The following RBMS3 variants were observed in gnomAD, a reference collection of about 807,000 sequenced individuals.
RBMS3 encodes RNA binding motif single stranded interacting protein 3.
RBMS3 carries 27 observed loss-of-function variants against 66.8 expected under a neutral mutation model. The observed-to-expected ratio is 0.40, with a 90% confidence interval of 0.30 to 0.56. The LOEUF is 0.56. Ranked by LOEUF, RBMS3 falls within the 20% of genes least tolerant of loss-of-function variation. The pLI is 0.40. For missense variants in RBMS3, 513 were observed against 549.5 expected (o/e 0.93, Z 0.66); for synonymous variants, 188 against 183.0 (o/e 1.03, Z -0.22).
At chr3:29,914,210 A>T (rs1416946227) in intron 10 of RBMS3, among the ~76,000 whole-genome samples, 2 of 151,922 alleles carry the variant, frequency 1.3e-5, no homozygotes, top group Non-Finnish European at 2.9e-5. Flanking sequence ...GTCAAAACTG[A>T]CTCAGGAAAT....
At chr3:29,942,785 T>C (rs2061423130) in intron 11 of RBMS3, among the ~76,000 whole-genome samples, 1 of 151,618 alleles carries the variant, frequency 6.6e-6, no homozygotes, top group Non-Finnish European at 1.5e-5. Flanking sequence ...GGAAAATGTC[T>C]AGTAGCATGG....
intron 1 of RBMS3, among the ~76,000 whole-genome samples, chr3:29,377,157 CT>C (rs1175872300): frequency 6.6e-6 from 1 of 152,022 alleles, no homozygotes; most frequent in African/African-American, 2.4e-5. Context: ...TAAAGTCAGC[CT>C]CTTTATGGGT....
chr3:29,495,921 G>C (rs2043730627), intron 3 of RBMS3, among the ~76,000 whole-genome samples: 1 of 152,094 alleles, frequency 6.6e-6, no homozygotes, highest in South Asian at 2.1e-4. Context: ...GACATTTCCA[G>C]GGCTGGTCCA....
intron 1 of RBMS3, among the ~76,000 whole-genome samples, chr3:29,408,187 G>A (rs1214758801): frequency 6.6e-6 from 1 of 150,456 alleles, no homozygotes; most frequent in African/African-American, 2.5e-5. Context: ...CAGGAGAATG[G>A]TGTGAACCCG....
At chr3:29,990,252 C>T (rs902610001) in intron 13 of RBMS3, among the ~76,000 whole-genome samples, 7 of 144,002 alleles carry the variant, frequency 4.9e-5, no homozygotes, top group Non-Finnish European at 1.1e-4. Context: ...GGAATTTCAG[C>T]GACAGAATTA....
At chr3:29,520,611 T>C (rs1432402394) in intron 3 of RBMS3, among the ~76,000 whole-genome samples, 1 of 152,170 alleles carries the variant, frequency 6.6e-6, no homozygotes, top group East Asian at 1.9e-4. Flanking sequence ...TTCATTTCGA[T>C]ACATATAGTT....
intron 12 of RBMS3, among the ~76,000 whole-genome samples, chr3:29,966,089 T>G (rs1323127944): frequency 6.6e-6 from 1 of 152,210 alleles, no homozygotes; most frequent in Non-Finnish European, 1.5e-5. Context: ...TTGGTCTATG[T>G]GCCTATTTTT....
intron 6 of RBMS3, among the ~76,000 whole-genome samples, chr3:29,783,176 C>T (rs1181741087): frequency 1.3e-5 from 2 of 152,006 alleles, no homozygotes; most frequent in Non-Finnish European, 2.9e-5. Context: ...TCTAGACCCC[C>T]CAAATGCAAG....
chr3:29,823,764 T>G (rs1474709721), intron 6 of RBMS3, among the ~76,000 whole-genome samples: 1 of 152,188 alleles, frequency 6.6e-6, no homozygotes, highest in African/African-American at 2.4e-5. Flanking sequence ...CACATGTGCT[T>G]ATTTGAGAAT....
intron 4 of RBMS3, 43 bp downstream of exon 4, chr3:29,587,248 T>TTTGTG (rs779648378): frequency 5.5e-6 from 2 of 366,712 alleles, no homozygotes; most frequent in African/African-American, 3.4e-5. Flanking sequence ...TTTTTTTTTT[T>TTTGTG]TGTGTGTGTG....
Position 29,621,187 on chromosome 3 carries a change from CT to C in RBMS3, c.399+33994del, listed in dbSNP as rs112009474. 3.6e-3 allele frequency among the ~76,000 whole-genome samples: 513 copies of C among 143,536 alleles called. 1 individual carries two copies. Among genetic ancestry groups the C allele is most frequent in the African/African-American group, 3.9e-3 (156 of 39,648 alleles). The allele number at this position is 143,536 out of a possible 152,430, so 94.2% of individuals were successfully genotyped here. A position where few individuals can be genotyped will look rare whatever the true frequency, so the allele number is the denominator to read the frequency against. The stretch of plus-strand genomic sequence containing the variant: ...GTGTTCTTGCTCCAAATGTCTGCTT[CT>C]TTTTTTTTTTTGCTTTTATTGGGTG... On this transcript the variant is annotated intron_variant, in intron 4 of 14. Coordinates refer to ENST00000383767, the MANE Select transcript of RBMS3 (RefSeq NM_001003793.3).
chr3:29,704,999 G>A (rs970167607), intron 4 of RBMS3, among the ~76,000 whole-genome samples: 5 of 152,170 alleles, frequency 3.3e-5, no homozygotes, highest in Admixed American at 6.5e-5. Flanking sequence ...AACTGTTACC[G>A]CATGGTGTTC....
intron 1 of RBMS3, among the ~76,000 whole-genome samples, chr3:29,408,275 A>T (rs1252822024): frequency 7.0e-6 from 1 of 142,992 alleles, no homozygotes; most frequent in Non-Finnish European, 1.6e-5. Context: ...CCATCTCAAA[A>T]AAAAAAAAAA....
chr3:29,535,756 G>A (rs1354127548), intron 3 of RBMS3, among the ~76,000 whole-genome samples: 1 of 101,436 alleles, frequency 9.9e-6, no homozygotes, highest in Non-Finnish European at 1.7e-5. Flanking sequence ...GTAAATAGCA[G>A]TTAAATTGCA....
intron 1 of RBMS3, among the ~76,000 whole-genome samples, chr3:29,367,391 T>A (rs374619901): frequency 6.6e-6 from 1 of 152,092 alleles, no homozygotes; most frequent in African/African-American, 2.4e-5. Flanking sequence ...TCTACGTGTG[T>A]GAGTGAGAGA....
At chr3:29,433,139 A>G (rs1423210541) in intron 1 of RBMS3, among the ~76,000 whole-genome samples, 1 of 152,006 alleles carries the variant, frequency 6.6e-6, no homozygotes, top group African/African-American at 2.4e-5. Flanking sequence ...ATGAAACTGT[A>G]GAGACACAAA....
chr3:29,946,848 T>C (rs1695348673), intron 12 of RBMS3, among the ~76,000 whole-genome samples: 1 of 151,566 alleles, frequency 6.6e-6, no homozygotes, highest in South Asian at 2.1e-4. Flanking sequence ...ACTATGTATT[T>C]GTGTGATTAA....
intron 1 of RBMS3, among the ~76,000 whole-genome samples, chr3:29,299,681 T>C (rs2033538916): frequency 6.6e-6 from 1 of 151,956 alleles, no homozygotes; most frequent in Non-Finnish European, 1.5e-5. Flanking sequence ...TTAGGTATTA[T>C]AAGTAACCTA....
rs377520593 is a variant in RBMS3, at chr3:29,580,001, G to A, written c.308-7113G>A. ...TTGAACATGATGAAGAGGAAAGTGAGTTTTGGGATTTGAATTTGTGTTTAG... is the reference window on the plus strand; with the variant it reads ...TTGAACATGATGAAGAGGAAAGTGAATTTTGGGATTTGAATTTGTGTTTAG... On this transcript the variant is annotated intron_variant, in intron 3 of 14. Transcript: ENST00000383767. Among the ~76,000 whole-genome samples the A allele has an allele frequency of 8.5e-5, 13 of 152,336 alleles. No homozygotes were observed. The East Asian group carries it at 9.6e-4, about 11-fold the overall frequency.
Sources: allele counts gnomAD v4.1 joint callset (sites outside exome capture counted in the v4.1 genomes callset), GRCh38; gene constraint gnomAD v4.1.1; transcripts MANE v1.5; gene names NCBI Gene and HGNC (gene_info 2026-07-23, HGNC 2026-07-21).